Variants in PTPRD observed in about 807,000 individuals in gnomAD.
PTPRD encodes protein tyrosine phosphatase receptor type D.
In PTPRD, 34 loss-of-function variants were observed where a neutral mutation model predicts 214.5. The observed-to-expected ratio is 0.16, with a 90% confidence interval of 0.12 to 0.21. PTPRD has a LOEUF of 0.21. Ranked by LOEUF, PTPRD falls within the 10% of genes least tolerant of loss-of-function variation. The pLI is 1.00. For missense variants in PTPRD, 2,545 were observed against 2,398.7 expected (o/e 1.06, Z -1.27); for synonymous variants, 1,128 against 845.7 (o/e 1.33, Z -5.79).
chr9:9,642,830 C>CA (rs2096012134), intron 7 of PTPRD, among the ~76,000 whole-genome samples: 1 of 152,086 alleles, frequency 6.6e-6, no homozygotes, highest in Admixed American at 6.6e-5. Context: ...TCATACAAGA[C>CA]AATTGGGGCT....
chr9:9,850,135 C>G (rs2060265125), intron 5 of PTPRD, among the ~76,000 whole-genome samples: 1 of 152,056 alleles, frequency 6.6e-6, no homozygotes. Flanking sequence ...AACTTTAGAC[C>G]AAAAAGTTAC....
chr9:9,302,518 C>T (rs1401547494), intron 9 of PTPRD, among the ~76,000 whole-genome samples: 1 of 151,568 alleles, frequency 6.6e-6, no homozygotes, highest in Non-Finnish European at 1.5e-5. Context: ...CTTATATTTC[C>T]ATGTTCCGCC....
At chr9:9,563,706 T>A (rs2083548083) in intron 8 of PTPRD, among the ~76,000 whole-genome samples, 1 of 152,162 alleles carries the variant, frequency 6.6e-6, no homozygotes, top group Non-Finnish European at 1.5e-5. Flanking sequence ...ACCATAAAGC[T>A]TCCATTAAGT....
At chr9:9,926,497 A>G (rs993531281) in intron 5 of PTPRD, among the ~76,000 whole-genome samples, 2 of 152,190 alleles carry the variant, frequency 1.3e-5, no homozygotes, top group Admixed American at 1.3e-4. Context: ...CAGTAAATAC[A>G]TGATGAATGC....
At chr9:8,566,100 A>ATGTGTGTGTGTGTG (rs139478736) in intron 14 of PTPRD, among the ~76,000 whole-genome samples, 7,717 of 137,748 alleles carry the variant, frequency 0.056, 283 homozygotes, top group Middle Eastern at 0.1. Flanking sequence ...AATGCAAAAT[A>ATGTGTGTGTGTGTG]TGTGTGTGTG....
chr9:10,045,498 G>C (rs2154146703), intron 3 of PTPRD, among the ~76,000 whole-genome samples: 1 of 151,650 alleles, frequency 6.6e-6, no homozygotes, highest in East Asian at 1.9e-4. Flanking sequence ...TGTGACCTCA[G>C]AAGTATCCAT....
chr9:8,959,226 A>G (rs2099146755), intron 11 of PTPRD, among the ~76,000 whole-genome samples: 1 of 152,008 alleles, frequency 6.6e-6, no homozygotes, highest in African/African-American at 2.4e-5. Flanking sequence ...TGAACCCTGG[A>G]AAAGTTTTTA....
chr9:9,952,370 G>A (rs555125063), intron 4 of PTPRD, among the ~76,000 whole-genome samples: 19 of 152,282 alleles, frequency 1.2e-4, no homozygotes, highest in Admixed American at 5.9e-4. Context: ...AACACGTGGT[G>A]CCTTGACCAC....
chr9:8,725,246 C>T (rs575299645), intron 12 of PTPRD, among the ~76,000 whole-genome samples: 7 of 152,142 alleles, frequency 4.6e-5, no homozygotes, highest in African/African-American at 9.7e-5. Context: ...ATTTTCTTCC[C>T]TTTAATGCTT....
chr9:10,443,166 G>C (rs1406495253), intron 2 of PTPRD, among the ~76,000 whole-genome samples: 1 of 150,604 alleles, frequency 6.6e-6, no homozygotes. Context: ...TGGATTGTCT[G>C]AAATAAAGTC....
In PTPRD at chr9:8,593,217, T is replaced by A. The variant is rs148194126; in HGVS notation, c.352+40100A>T. ...TGAAAAAAGACCTTGCTTGAGGGCG[T>A]TTATCTTTATCTTTGTGAGGTCAAA... On this transcript the variant is annotated intron_variant, in intron 14 of 45. Coordinates refer to ENST00000381196, the MANE Select transcript of PTPRD (RefSeq NM_002839.4). Among the ~76,000 whole-genome samples, 60 of 152,306 alleles carry A rather than the reference T, an allele frequency of 3.9e-4. No individual in the cohort carries two copies. The East Asian group carries it at 8.3e-3, about 21-fold the overall frequency.
chr9:10,298,948 C>A (rs1479688580), intron 3 of PTPRD, among the ~76,000 whole-genome samples: 2 of 151,978 alleles, frequency 1.3e-5, no homozygotes, highest in African/African-American at 4.8e-5. Flanking sequence ...TAGAAACTTT[C>A]TCAATGCTTA....
At chr9:10,482,489 A>G (rs2099107128) in intron 2 of PTPRD, among the ~76,000 whole-genome samples, 1 of 141,426 alleles carries the variant, frequency 7.1e-6, no homozygotes, top group Non-Finnish European at 1.5e-5. Flanking sequence ...CAAATTATCT[A>G]TTTGCCAATG....
In PTPRD at chr9:9,507,126, T is replaced by A. The variant is rs1427246869; in HGVS notation, c.-237+67606A>T. Among the ~76,000 whole-genome samples the A allele has an allele frequency of 2.0e-5, 3 of 151,382 alleles. No individual in the cohort carries two copies. In the East Asian group the frequency reaches 5.8e-4, roughly 29 times the overall value. On this transcript the variant is annotated intron_variant, in intron 8 of 45. Transcript: ENST00000381196. The stretch of plus-strand genomic sequence containing the variant: ...TAGGAAATAATAAAAGATGAAATTT[T>A]AAAAAGAATTTGAATGGCATCAAGA...
In PTPRD at chr9:8,581,874, C is replaced by T. The variant is rs1198770004; in HGVS notation, c.352+51443G>A. Among the ~76,000 whole-genome samples, 17 of 121,312 alleles carry T rather than the reference C, an allele frequency of 1.4e-4. No homozygotes were observed. The Admixed American group carries it at 1.6e-3, about 12-fold the overall frequency. 79.6% of individuals were successfully genotyped at this position (121,312 alleles called of 152,430 possible). A position where few individuals can be genotyped will look rare whatever the true frequency, so the allele number is the denominator to read the frequency against. On this transcript the variant is annotated intron_variant, in intron 14 of 45. Transcript: ENST00000381196. ...GGGAGGTGGAGGCGAGTTCCTGTCACTGCACTCCAGCCTGGATGACAGAGC... is the reference window on the plus strand; with the variant it reads ...GGGAGGTGGAGGCGAGTTCCTGTCATTGCACTCCAGCCTGGATGACAGAGC...
At chr9:10,266,943 C>T (rs969527852) in intron 3 of PTPRD, among the ~76,000 whole-genome samples, 2 of 151,948 alleles carry the variant, frequency 1.3e-5, no homozygotes, top group African/African-American at 2.4e-5. Flanking sequence ...GTAATCCCAG[C>T]ACTTTGGGAG....
rs747484505 is a variant in PTPRD at position 8,485,868 on chromosome 9, G to T, written c.2949C>A (p.Gly983=). 43 of 1,614,024 alleles carry T rather than the reference G, an allele frequency of 2.7e-5. No individual in the cohort carries two copies. Among genetic ancestry groups the T allele is most frequent in the Non-Finnish European group, 8.5e-7 (1 of 1,180,028 alleles). ...VPADTTMTLT[G]LKPDTTYDVK... is the part of the protein sequence containing the mutation. ...CATCGTATGTGGTATCTGGTTTTAA[G>T]CCAGTGAGTGTCATAGTGGTGTCAG... Residue 983 remains glycine (G), a synonymous_variant, in exon 28 of 46, where the codon GGC becomes GGA. Coordinates refer to ENST00000381196, the MANE Select transcript of PTPRD (RefSeq NM_002839.4).
At chr9:10,603,787 A>C (rs2078578401) in intron 2 of PTPRD, among the ~76,000 whole-genome samples, 8 of 151,818 alleles carry the variant, frequency 5.3e-5, no homozygotes, top group Admixed American at 5.3e-4. Context: ...TCAAGAAACC[A>C]AGAAGAATAA....
At chr9:10,140,794 C>A (rs1280404799) in intron 3 of PTPRD, among the ~76,000 whole-genome samples, 133 of 134,676 alleles carry the variant, frequency 9.9e-4, no homozygotes, top group Admixed American at 2.5e-3. Context: ...GAGACACAAC[C>A]AAAAAAGAGA....
Sources: gnomAD v4.1 joint callset for allele counts (sites outside exome capture counted in the v4.1 genomes callset) on GRCh38, gnomAD v4.1.1 for gene constraint, MANE v1.5 for transcripts, NCBI Gene and HGNC (gene_info 2026-07-23, HGNC 2026-07-21) for gene names.